SCAI: variants seen among roughly 807,000 people sequenced by gnomAD.
SCAI encodes the protein protein SCAI.
A neutral mutation model predicts 92.2 loss-of-function variants in SCAI; 24 were observed. That is an observed-to-expected ratio of 0.26 (90% CI 0.19 to 0.37). SCAI has a LOEUF of 0.37. SCAI is among the 10% of genes least tolerant of loss of function. SCAI has a pLI of 1.00. For synonymous variants in SCAI, 261 were observed against 258.6 expected, an observed-to-expected ratio of 1.01 and a Z score of -0.09; for missense variants, 450 against 736.2, an observed-to-expected ratio of 0.61 and a Z score of 4.50.
chr9:125,040,514 G>C (rs1833298092), intron 3 of SCAI, among the ~76,000 whole-genome samples: 1 of 152,160 alleles, frequency 6.6e-6, no homozygotes, highest in Non-Finnish European at 1.5e-5. Context: ...TTAATACATA[G>C]AGAATTATAT....
chr9:124,984,474 T>A (rs1291295227), intron 14 of SCAI, among the ~76,000 whole-genome samples: 1 of 152,120 alleles, frequency 6.6e-6, no homozygotes, highest in African/African-American at 2.4e-5. Flanking sequence ...TGAATGATGA[T>A]GGTGGTATGA....
chr9:125,135,294 TAACTC>T (rs1484115361), intron 2 of SCAI, among the ~76,000 whole-genome samples: 2 of 152,352 alleles, frequency 1.3e-5, no homozygotes, highest in East Asian at 3.9e-4. Flanking sequence ...TCTCAAAAGA[TAACTC>T]AGCCACTAAC....
intron 6 of SCAI, among the ~76,000 whole-genome samples, chr9:125,024,259 T>C (rs1411446602): frequency 2.6e-5 from 4 of 151,606 alleles, no homozygotes; most frequent in African/African-American, 9.7e-5. Context: ...GAATGTAAAA[T>C]TGAAGGCTTT....
chr9:124,977,599 G>A (rs1268629151), intron 14 of SCAI, among the ~76,000 whole-genome samples: 1 of 152,254 alleles, frequency 6.6e-6, no homozygotes, highest in South Asian at 2.1e-4. Flanking sequence ...ACTTGCACCA[G>A]GGAGGTCAAG....
intron 11 of SCAI, 108 bp from the exon 12 acceptor site, chr9:125,002,151 T>A: frequency 1.3e-6 from 1 of 762,114 alleles, no homozygotes; most frequent in Non-Finnish European, 2.3e-6. Context: ...AAGAATGCAC[T>A]GTTGTCTTTT....
chr9:125,008,852 CTG>C (rs1832570188), intron 9 of SCAI, among the ~76,000 whole-genome samples: 1 of 152,082 alleles, frequency 6.6e-6, no homozygotes, highest in African/African-American at 2.4e-5. Flanking sequence ...TCAAGAAACT[CTG>C]TGAACCTCAA....
intron 2 of SCAI, among the ~76,000 whole-genome samples, chr9:125,132,966 C>CAAAT (rs932772707): frequency 7.9e-5 from 12 of 151,084 alleles, no homozygotes; most frequent in African/African-American, 2.2e-4. Flanking sequence ...CTCCATCTCA[C>CAAAT]AAATAAATAA....
intron 17 of SCAI, among the ~76,000 whole-genome samples, chr9:124,959,823 A>G (rs968875633): frequency 3.3e-5 from 5 of 151,948 alleles, no homozygotes; most frequent in Admixed American, 3.3e-4. Context: ...GCTGAGAATG[A>G]TGGTTTCCAC....
intron 17 of SCAI, among the ~76,000 whole-genome samples, chr9:124,966,916 C>T (rs1407657862): frequency 6.7e-5 from 9 of 134,204 alleles, no homozygotes; most frequent in African/African-American, 8.3e-5. Flanking sequence ...CCCAGCTTGA[C>T]TTTTTTTTTT....
intron 3 of SCAI, among the ~76,000 whole-genome samples, chr9:125,032,102 C>T (rs1054228697): frequency 6.7e-6 from 1 of 149,396 alleles, no homozygotes; most frequent in African/African-American, 2.5e-5. Context: ...TATATTGATC[C>T]CTATAACTAA....
At chr9:125,046,272 CAT>C (rs1469713185) in intron 3 of SCAI, among the ~76,000 whole-genome samples, 1 of 113,298 alleles carries the variant, frequency 8.8e-6, no homozygotes. Context: ...TACACACACA[CAT>C]ATATATATTT....
intron 2 of SCAI, among the ~76,000 whole-genome samples, chr9:125,059,254 T>C (rs987725419): frequency 3.3e-5 from 5 of 152,074 alleles, no homozygotes; most frequent in Admixed American, 3.3e-4. Context: ...CAAAACCAAG[T>C]TGGGGGACAT....
At chr9:125,055,710 T>C (rs998777847) in intron 3 of SCAI, among the ~76,000 whole-genome samples, 166 bp downstream of exon 3, 12 of 152,304 alleles carry the variant, frequency 7.9e-5, no homozygotes, top group South Asian at 2.1e-4. Flanking sequence ...ATTGTTTTTT[T>C]ATCCAAGAAT....
At chr9:125,019,768 G>A (rs1337782531) in intron 7 of SCAI, among the ~76,000 whole-genome samples, 1 of 151,994 alleles carries the variant, frequency 6.6e-6, no homozygotes, top group African/African-American at 2.4e-5. Flanking sequence ...TACTTCTGGT[G>A]GCCTTGTCAA....
chr9:125,049,047 G>A (rs1833503699), intron 3 of SCAI, among the ~76,000 whole-genome samples: 2 of 151,936 alleles, frequency 1.3e-5, no homozygotes, highest in Non-Finnish European at 2.9e-5. Context: ...ACCTGGCTAG[G>A]AGCATATTTA....
intron 14 of SCAI, among the ~76,000 whole-genome samples, chr9:124,985,929 C>T (rs1256791952): frequency 6.8e-6 from 1 of 147,976 alleles, no homozygotes. Context: ...ACACAGACAA[C>T]AAATAATAAG....
At chr9:125,054,656 A>C (rs77007105) in intron 3 of SCAI, among the ~76,000 whole-genome samples, 2,564 of 152,310 alleles carry the variant, frequency 0.017, 75 homozygotes, top group African/African-American at 0.059. Flanking sequence ...TAAAATAGTG[A>C]AAGAAAATAT....
rs577462242 is a variant in SCAI at position 125,005,925 on chromosome 9, C to T, written c.862-2355G>A. On this transcript the variant is annotated intron_variant, in intron 9 of 17. Coordinates refer to ENST00000336505, the MANE Select transcript of SCAI (RefSeq NM_001144877.3). Reference sequence around the variant, plus strand: ...AAGAAAAGTCTCCCCCAAGAATTCACGGCCATATGCTGATTCTCATGTGGT... The same window carrying T: ...AAGAAAAGTCTCCCCCAAGAATTCATGGCCATATGCTGATTCTCATGTGGT... 7.9e-5 allele frequency among the ~76,000 whole-genome samples: 12 copies of T among 152,280 alleles called. No individual in the cohort carries two copies. The East Asian group carries it at 1.2e-3, about 15-fold the overall frequency.
At chr9:125,087,299 T>C (rs1834341988) in intron 2 of SCAI, among the ~76,000 whole-genome samples, 1 of 152,196 alleles carries the variant, frequency 6.6e-6, no homozygotes, top group South Asian at 2.1e-4. Context: ...GCCCTCAAGA[T>C]TAGTAGCAGC....
Sources: gnomAD v4.1 joint callset for allele counts (sites outside exome capture counted in the v4.1 genomes callset) on GRCh38, gnomAD v4.1.1 for gene constraint, MANE v1.5 for transcripts, NCBI Gene and HGNC (gene_info 2026-07-23, HGNC 2026-07-21) for gene names.